Variants in SLC9C1 observed in about 807,000 individuals in gnomAD.
SLC9C1 encodes sodium/hydrogen exchanger 10.
In SLC9C1, 97 loss-of-function variants were observed where a neutral mutation model predicts 140.9. The observed-to-expected ratio is 0.69, with a 90% CI of 0.58 to 0.82. The LOEUF is 0.82. Ranked by LOEUF, SLC9C1 falls within the 40% of genes least tolerant of loss-of-function variation. The pLI, the probability that SLC9C1 is intolerant of heterozygous loss-of-function variation, is 0.00. For synonymous variants in SLC9C1, 440 were observed against 442.6 expected (o/e 0.99, Z 0.07); for missense variants, 1,340 against 1,389.3 (o/e 0.96, Z 0.56).
chr3:112,141,292 C>T lies in SLC9C1; in HGVS notation c.3525-11G>A, dbSNP rs574742326. 271 of 1,577,358 alleles carry T rather than the reference C, an allele frequency of 1.7e-4. 4 individuals are homozygous for T. The South Asian group carries it at 2.7e-3, about 16-fold the overall frequency. ...CAGTCTTACTCTTTCCTAATAGAAG[C>T]GGAAAGAAAAAACAAAAACATAGAG... On this transcript the variant is annotated splice_polypyrimidine_tract_variant and intron_variant, in intron 28 of 28. Transcript: ENST00000305815.
At chr3:112,208,551 T>A (rs2078118373) in intron 15 of SLC9C1, among the ~76,000 whole-genome samples, 178 bp from the exon 16 acceptor site, 2 of 152,188 alleles carry the variant, frequency 1.3e-5, no homozygotes. Context: ...TTTTAATTTC[T>A]TCCACTGATC....
At chr3:112,292,305 A>G (rs1317988339) in intron 1 of SLC9C1, among the ~76,000 whole-genome samples, 3 of 152,176 alleles carry the variant, frequency 2.0e-5, no homozygotes, top group Non-Finnish European at 4.4e-5. Context: ...AATTACCACG[A>G]ATCCTGTTTA....
At chr3:112,216,685 A>G (rs1415528461) in intron 15 of SLC9C1, among the ~76,000 whole-genome samples, 3 of 152,198 alleles carry the variant, frequency 2.0e-5, no homozygotes, top group Non-Finnish European at 2.9e-5. Flanking sequence ...TAGAATGGCA[A>G]TCATTAAAGT....
chr3:112,238,682 AC>A (rs1418463780), intron 12 of SLC9C1, among the ~76,000 whole-genome samples: 1 of 152,012 alleles, frequency 6.6e-6, no homozygotes, highest in African/African-American at 2.4e-5. Flanking sequence ...AACAGGCAGG[AC>A]CCTCAGCTGC....
chr3:112,186,862 T>C (rs184017263), intron 20 of SLC9C1, among the ~76,000 whole-genome samples: 3 of 152,318 alleles, frequency 2.0e-5, no homozygotes, highest in African/African-American at 7.2e-5. Flanking sequence ...GGATGGTCTT[T>C]TTCATAAATT....
chr3:112,222,424 G>C (rs767746913), intron 13 of SLC9C1, among the ~76,000 whole-genome samples: 12 of 152,090 alleles, frequency 7.9e-5, no homozygotes, highest in Admixed American at 1.3e-4. Context: ...ACTTTGAAAA[G>C]CGAGATTTAT....
intron 20 of SLC9C1, among the ~76,000 whole-genome samples, chr3:112,192,267 A>C (rs2077679010): frequency 6.6e-6 from 1 of 152,092 alleles, no homozygotes; most frequent in African/African-American, 2.4e-5. Flanking sequence ...TCCCCATTTC[A>C]ACTTCCCCAG....
chr3:112,250,698 A>C (rs552741014), intron 10 of SLC9C1, among the ~76,000 whole-genome samples: 1 of 152,288 alleles, frequency 6.6e-6, no homozygotes, highest in Non-Finnish European at 1.5e-5. Flanking sequence ...ATGAGATGCC[A>C]CCTCACACCA....
intron 20 of SLC9C1, among the ~76,000 whole-genome samples, chr3:112,198,256 A>G (rs2077816479): frequency 6.6e-6 from 1 of 151,914 alleles, no homozygotes; most frequent in Non-Finnish European, 1.5e-5. Flanking sequence ...AAATTTTTCC[A>G]TTGGAGAAGA....
At chr3:112,178,266 G>A (rs2077376631) in intron 23 of SLC9C1, among the ~76,000 whole-genome samples, 1 of 151,742 alleles carries the variant, frequency 6.6e-6, no homozygotes, top group African/African-American at 2.4e-5. Flanking sequence ...AGCCTCCCAA[G>A]TAGCTGGATC....
At chr3:112,250,110 T>C (rs1257854448) in intron 10 of SLC9C1, among the ~76,000 whole-genome samples, 1 of 147,594 alleles carries the variant, frequency 6.8e-6, no homozygotes, top group Non-Finnish European at 1.5e-5. Flanking sequence ...CCCCTTCCTG[T>C]GTCCATGTGT....
At chr3:112,196,244 G>C (rs7625249) in intron 20 of SLC9C1, among the ~76,000 whole-genome samples, 1 of 151,736 alleles carries the variant, frequency 6.6e-6, no homozygotes, top group Non-Finnish European at 1.5e-5. Flanking sequence ...CCAAGTTTTC[G>C]GGTAAGAAAT....
chr3:112,292,882 G>C (rs1316680789), intron 1 of SLC9C1, among the ~76,000 whole-genome samples: 1 of 151,708 alleles, frequency 6.6e-6, no homozygotes, highest in Non-Finnish European at 1.5e-5. Flanking sequence ...ATCTTAAGCT[G>C]ACTTTTGACA....
chr3:112,277,957 A>C, intron 4 of SLC9C1, 97 bp from the exon 5 acceptor site: 1 of 1,022,072 alleles, frequency 9.8e-7, no homozygotes, highest in Non-Finnish European at 1.4e-6. Flanking sequence ...GAATCAACCA[A>C]CACCAACAGT....
chr3:112,250,531 A>G (rs13323785), intron 10 of SLC9C1, among the ~76,000 whole-genome samples: 42,108 of 147,860 alleles, frequency 0.28, 6,209 homozygotes, highest in East Asian at 0.35. Flanking sequence ...TCCCACCAAC[A>G]GTGTAAAAGT....
chr3:112,287,120 C>T (rs1003164403), intron 1 of SLC9C1, among the ~76,000 whole-genome samples: 2 of 152,144 alleles, frequency 1.3e-5, no homozygotes, highest in East Asian at 3.9e-4. Flanking sequence ...ACTTGTTACC[C>T]ACTCTGAATC....
At chr3:112,238,087 G>A (rs1245972756) in intron 12 of SLC9C1, among the ~76,000 whole-genome samples, 3 of 152,132 alleles carry the variant, frequency 2.0e-5, no homozygotes, top group Admixed American at 1.3e-4. Context: ...GTCACTTTCA[G>A]GTATACCAAT....
Position 112,185,983 on chromosome 3 carries a change from G to A in SLC9C1, c.2524-3725C>T, listed in dbSNP as rs1294069594. 9 of 1,553,478 alleles carry A rather than the reference G, an allele frequency of 5.8e-6. No individual in the cohort carries two copies. In the South Asian group the frequency reaches 8.3e-5, roughly 14 times the overall value. ...GCGACCAGCTCTCTGCTGCCGGCTG[G>A]GACCCAGGCCCCGCGGTATTTAGCA... On this transcript the variant is annotated intron_variant, in intron 20 of 28. Transcript: ENST00000305815.
Position 112,215,481 on chromosome 3 carries a change from T to C in SLC9C1, c.1790+1961A>G, listed in dbSNP as rs2078334531. The stretch of plus-strand genomic sequence containing the variant: ...AACCCCATCGTCTCAGCCCAAAATC[T>C]CCTTAAGCTCATAAGCAACTTCAGC... On this transcript the variant is annotated intron_variant, in intron 15 of 28. Transcript: ENST00000305815. 2.0e-5 allele frequency among the ~76,000 whole-genome samples: 3 copies of C among 152,084 alleles called. No homozygotes were observed. In the South Asian group the frequency reaches 6.2e-4, roughly 32 times the overall value.
Sources: gnomAD v4.1 joint callset for allele counts (sites outside exome capture counted in the v4.1 genomes callset) on GRCh38, gnomAD v4.1.1 for gene constraint, MANE v1.5 for transcripts, NCBI Gene and HGNC (gene_info 2026-07-23, HGNC 2026-07-21) for gene names.